Variants in GALNT18 observed in about 807,000 individuals in gnomAD.
The protein encoded by GALNT18 is polypeptide N-acetylgalactosaminyltransferase 18.
In GALNT18, 44 loss-of-function variants were observed where a neutral mutation model predicts 69.5. That is an observed-to-expected ratio of 0.63 (90% confidence interval 0.50 to 0.81). The LOEUF is 0.81. GALNT18 is among the 40% of genes least tolerant of loss of function. The pLI, the probability that GALNT18 is intolerant of heterozygous loss-of-function variation, is 0.00. For missense variants in GALNT18, 715 were observed against 810.0 expected (o/e 0.88, Z 1.42); for synonymous variants, 364 against 318.2 (o/e 1.14, Z -1.53).
intron 7 of GALNT18, among the ~76,000 whole-genome samples, chr11:11,334,626 A>G (rs1226748042): frequency 4.6e-5 from 7 of 152,186 alleles, no homozygotes; most frequent in African/African-American, 1.7e-4. Flanking sequence ...CAATATAAAA[A>G]TTTGAACCTG....
At chr11:11,346,557 C>A (rs897414622) in intron 6 of GALNT18, among the ~76,000 whole-genome samples, 3 of 152,118 alleles carry the variant, frequency 2.0e-5, no homozygotes, top group African/African-American at 7.2e-5. Flanking sequence ...TGTCGTAAAA[C>A]CTAGGAAGTC....
At chr11:11,522,346 G>C (rs1564992464) in intron 1 of GALNT18, among the ~76,000 whole-genome samples, 1 of 152,206 alleles carries the variant, frequency 6.6e-6, no homozygotes, top group Non-Finnish European at 1.5e-5. Context: ...AACTTCCAGT[G>C]GCCGACAGGA....
At chr11:11,362,980 A>C (rs1850677621) in intron 6 of GALNT18, among the ~76,000 whole-genome samples, 1 of 152,230 alleles carries the variant, frequency 6.6e-6, no homozygotes, top group Non-Finnish European at 1.5e-5. Context: ...ACCGTAAGAA[A>C]GGAATGAGGA....
intron 10 of GALNT18, among the ~76,000 whole-genome samples, chr11:11,288,403 A>T (rs1447249666): frequency 6.6e-6 from 1 of 152,182 alleles, no homozygotes; most frequent in Non-Finnish European, 1.5e-5. Flanking sequence ...AAATCAAACA[A>T]GCCTCCTATG....
At position 11,340,346 on chromosome 11, in the gene GALNT18, C is replaced by G. The variant is rs1053835936; in HGVS notation, c.1278+473G>C. 7.4e-6 allele frequency among the ~76,000 whole-genome samples: 1 copy of G among 134,878 alleles called. No individual in the cohort carries two copies. The highest frequency in any genetic ancestry group is 1.6e-5 in the Non-Finnish European group (1 of 62,994). The allele number at this position is 134,878 out of a possible 152,430, so 88.5% of individuals were successfully genotyped here. On this transcript the variant is annotated intron_variant, in intron 7 of 10. Transcript: ENST00000227756. The surrounding 1 kb of genome is among the most constrained non-coding windows in gnomAD (Gnocchi z 4.2). ...TGCCCCCATCCCCATACACGTGGCTCAAGAAACCTGAAAGGCATGTGGATC... is the reference window on the plus strand; with the variant it reads ...TGCCCCCATCCCCATACACGTGGCTGAAGAAACCTGAAAGGCATGTGGATC...
intron 1 of GALNT18, among the ~76,000 whole-genome samples, chr11:11,477,348 TG>T: frequency 6.6e-6 from 1 of 152,298 alleles, no homozygotes; most frequent in Middle Eastern, 3.4e-3. Flanking sequence ...GCTGAGGCCC[TG>T]GCTCTATCAA....
At chr11:11,378,035 T>C (rs76216768) in intron 4 of GALNT18, among the ~76,000 whole-genome samples, 3,075 of 152,336 alleles carry the variant, frequency 0.02, 49 homozygotes, top group East Asian at 0.058. Context: ...TGGTGCATAA[T>C]TGTTTATTCA....
intron 1 of GALNT18, among the ~76,000 whole-genome samples, chr11:11,608,941 T>G (rs1859818910): frequency 6.6e-6 from 1 of 152,246 alleles, no homozygotes; most frequent in African/African-American, 2.4e-5. Flanking sequence ...ATGAAGTCTA[T>G]TCTGACAATT....
chr11:11,396,650 G>A lies in GALNT18; in HGVS notation c.596-17386C>T, dbSNP rs1003601566. Among the ~76,000 whole-genome samples, 1 of 152,174 alleles carries A rather than the reference G, an allele frequency of 6.6e-6. No homozygotes were observed. The highest frequency in any genetic ancestry group is 2.4e-5 in the African/African-American group (1 of 41,446). On this transcript the variant is annotated intron_variant, in intron 3 of 10. Transcript: ENST00000227756. This position sits in a 1 kb window ranked among gnomAD's most constrained non-coding sequence, Gnocchi z 5.2. The stretch of plus-strand genomic sequence containing the variant: ...GTCTGGGGCAATAGTGTGGTTGGGG[G>A]CAGTAGGGATTAACGCCACCTAATC...
chr11:11,350,721 C>T (rs889517687), intron 6 of GALNT18, among the ~76,000 whole-genome samples: 12 of 152,168 alleles, frequency 7.9e-5, no homozygotes, highest in African/African-American at 2.9e-4. Context: ...TCCAGTGTGT[C>T]TCCTTAGGTG....
chr11:11,364,594 G>A (rs1200296318), intron 6 of GALNT18, among the ~76,000 whole-genome samples: 2 of 152,180 alleles, frequency 1.3e-5, no homozygotes, highest in Admixed American at 1.3e-4. Flanking sequence ...AGTAGATTAT[G>A]GAGACTGGAA....
chr11:11,344,799 G>C (rs1029122319), intron 6 of GALNT18, among the ~76,000 whole-genome samples: 3 of 152,154 alleles, frequency 2.0e-5, no homozygotes, highest in African/African-American at 7.2e-5. Flanking sequence ...CCCTGAACAT[G>C]GGGACAGGCC....
At position 11,556,022 on chromosome 11, in the gene GALNT18, G is replaced by A. The variant is rs537955903; in HGVS notation, c.235+65337C>T. Among the ~76,000 whole-genome samples the A allele has an allele frequency of 1.1e-4, 16 of 152,294 alleles. No homozygotes were observed. In the East Asian group the frequency reaches 3.1e-3, roughly 29 times the overall value. ...GAAATCAACAGACCATCAGTGCCAG[G>A]TCATGGATGAAGCAAAACAATCGCA... is the stretch of plus-strand genomic sequence containing the variant. On this transcript the variant is annotated intron_variant, in intron 1 of 10. Coordinates refer to ENST00000227756, the MANE Select transcript of GALNT18 (RefSeq NM_198516.3).
rs1413497012 is a variant in GALNT18, at chr11:11,582,944, A to T, written c.235+38415T>A. 1.3e-5 allele frequency among the ~76,000 whole-genome samples: 2 copies of T among 152,164 alleles called. No individual in the cohort carries two copies. Among genetic ancestry groups the T allele is most frequent in the Non-Finnish European group, 2.9e-5 (2 of 68,024 alleles). ...AGAAGTGGTTGTCATGGTCCTGCAG[A>T]GAGGAAGATCTAAGATTTCCCTGAA... On this transcript the variant is annotated intron_variant, in intron 1 of 10. Coordinates refer to ENST00000227756, the MANE Select transcript of GALNT18 (RefSeq NM_198516.3). This position sits in a 1 kb window ranked among gnomAD's most constrained non-coding sequence, Gnocchi z 5.0.
chr11:11,319,232 C>A (rs999574518), intron 9 of GALNT18, among the ~76,000 whole-genome samples: 1 of 152,228 alleles, frequency 6.6e-6, no homozygotes, highest in African/African-American at 2.4e-5. Context: ...ACACCTTCAC[C>A]ATTCTTGGCC....
intron 6 of GALNT18, among the ~76,000 whole-genome samples, chr11:11,364,350 T>G (rs779402483): frequency 6.6e-6 from 1 of 152,250 alleles, no homozygotes; most frequent in African/African-American, 2.4e-5. Flanking sequence ...TACCTCATGA[T>G]GGAGGAACAC....
At chr11:11,455,872 T>C (rs986666490) in intron 1 of GALNT18, among the ~76,000 whole-genome samples, 8 of 152,110 alleles carry the variant, frequency 5.3e-5, no homozygotes, top group Non-Finnish European at 2.9e-5. Context: ...GCATATTGCT[T>C]CAGGCCTGGA....
At position 11,359,286 on chromosome 11, in the gene GALNT18, C is replaced by T. The variant is rs778788256; in HGVS notation, c.1092+13229G>A. Among the ~76,000 whole-genome samples the T allele has an allele frequency of 1.4e-4, 20 of 141,256 alleles. 6 individuals carry two copies. Among genetic ancestry groups the T allele is most frequent in the Non-Finnish European group, 2.5e-4 (16 of 63,020 alleles). The allele number at this position is 141,256 out of a possible 152,430, so 92.7% of individuals were successfully genotyped here. A position where few individuals can be genotyped will look rare whatever the true frequency, so the allele number is the denominator to read the frequency against. On this transcript the variant is annotated intron_variant, in intron 6 of 10. Transcript: ENST00000227756. ...AACCACATACCCAGTCTATCATGTG[C>T]TTCAATAACACACATTAACCTGTAC...
chr11:11,405,855 A>C (rs902655574), intron 3 of GALNT18, among the ~76,000 whole-genome samples: 2 of 152,222 alleles, frequency 1.3e-5, no homozygotes, highest in East Asian at 1.9e-4. Flanking sequence ...TGATCCTTCC[A>C]TGCTATGCCT....
Sources: gnomAD v4.1 joint callset for allele counts (sites outside exome capture counted in the v4.1 genomes callset) on GRCh38, gnomAD v4.1.1 for gene constraint, Gnocchi (gnomAD v3.1) non-coding constraint, MANE v1.5 for transcripts, NCBI Gene and HGNC (gene_info 2026-07-23, HGNC 2026-07-21) for gene names.